The following DYNC1I1 variants were observed in gnomAD, a reference collection of about 807,000 sequenced individuals.
DYNC1I1 encodes dynein cytoplasmic 1 intermediate chain 1.
Under a neutral mutation model 86.6 loss-of-function variants are expected in DYNC1I1, and 43 were observed. The ratio of observed to expected loss-of-function variants is 0.50; its 90% CI spans 0.39 to 0.64. The LOEUF (loss-of-function observed/expected upper bound fraction) is 0.64. Among genes scored for constraint, DYNC1I1 ranks in the 30% least tolerant of loss-of-function variants. DYNC1I1 has a pLI of 0.00. For missense variants in DYNC1I1, 604 were observed against 788.8 expected (o/e 0.77, Z 2.81); for synonymous variants, 262 against 283.7 (o/e 0.92, Z 0.77).
At chr7:96,107,626 G>T (rs1019779283) in intron 16 of DYNC1I1, among the ~76,000 whole-genome samples, 1 of 151,604 alleles carries the variant, frequency 6.6e-6, no homozygotes, top group Non-Finnish European at 1.5e-5. Flanking sequence ...CCACCTCCTG[G>T]GTTCAAGGGA....
chr7:95,777,839 A>C (rs1391152460), intron 1 of DYNC1I1, among the ~76,000 whole-genome samples: 1 of 152,146 alleles, frequency 6.6e-6, no homozygotes, highest in Non-Finnish European at 1.5e-5. Flanking sequence ...GTGCTCTTCC[A>C]ACATTTTTTT....
chr7:96,051,791 C>T (rs1789411084), intron 14 of DYNC1I1, among the ~76,000 whole-genome samples: 1 of 151,946 alleles, frequency 6.6e-6, no homozygotes, highest in Non-Finnish European at 1.5e-5. Flanking sequence ...GATTGTTTTC[C>T]CTGTTAGCTA....
chr7:95,803,711 A>G, intron 1 of DYNC1I1, among the ~76,000 whole-genome samples: 1 of 152,192 alleles, frequency 6.6e-6, no homozygotes. Flanking sequence ...TACAAATAGT[A>G]TGTGAATGAA....
chr7:96,005,310 G>A (rs1418179331), intron 10 of DYNC1I1, among the ~76,000 whole-genome samples: 1 of 152,156 alleles, frequency 6.6e-6, no homozygotes, highest in Non-Finnish European at 1.5e-5. Flanking sequence ...TAGCAGATAA[G>A]CAGCTTACAC....
chr7:96,097,780 T>C lies in DYNC1I1; in HGVS notation c.*187T>C. The C allele has an allele frequency of 7.6e-7, 1 of 1,313,010 alleles. No individual in the cohort carries two copies. The highest frequency in any genetic ancestry group is 9.7e-7 in the Non-Finnish European group (1 of 1,028,110). 81.3% of individuals were successfully genotyped at this position (1,313,010 alleles called of 1,614,324 possible). A position where few individuals can be genotyped will look rare whatever the true frequency, so the allele number is the denominator to read the frequency against. On this transcript the variant is annotated 3_prime_UTR_variant, in exon 17 of 17. Transcript: ENST00000447467. Reference sequence around the variant, plus strand: ...CATCATGCTTTCCACTGACCCAAAATTCACCACAGCATTTCTATCTTTATA... The same window carrying C: ...CATCATGCTTTCCACTGACCCAAAACTCACCACAGCATTTCTATCTTTATA...
chr7:95,891,668 G>A (rs1185071839), intron 6 of DYNC1I1, among the ~76,000 whole-genome samples: 1 of 152,178 alleles, frequency 6.6e-6, no homozygotes, highest in Non-Finnish European at 1.5e-5. Context: ...TTTATGAATA[G>A]TATACCAAAT....
intron 6 of DYNC1I1, among the ~76,000 whole-genome samples, chr7:95,889,732 T>C (rs1195110176): frequency 1.3e-5 from 2 of 151,936 alleles, no homozygotes; most frequent in African/African-American, 4.8e-5. Flanking sequence ...ATAAAAAAAC[T>C]TTAACAAATT....
intron 10 of DYNC1I1, among the ~76,000 whole-genome samples, chr7:96,017,996 A>G (rs542063927): frequency 2.6e-5 from 4 of 152,122 alleles, no homozygotes; most frequent in Non-Finnish European, 5.9e-5. Context: ...AGTAAATATC[A>G]CCACAATTGG....
At position 95,831,699 on chromosome 7, in the gene DYNC1I1, G is replaced by C. The variant is rs12670607; in HGVS notation, c.374+3583G>C. Among the ~76,000 whole-genome samples the C allele has an allele frequency of 6.4e-3, 971 of 152,084 alleles. 20 individuals are homozygous for C. Among genetic ancestry groups the C allele is most frequent in the East Asian group, 0.03 (154 of 5,176 alleles). ...TTTTATTTTTAATAATAGTGATCCTGATTGCATCTCATTATAGTTTTGATT... is the reference window on the plus strand; with the variant it reads ...TTTTATTTTTAATAATAGTGATCCTCATTGCATCTCATTATAGTTTTGATT... On this transcript the variant is annotated intron_variant, in intron 5 of 16. Transcript: ENST00000447467.
intron 6 of DYNC1I1, 94 bp from the exon 7 acceptor site, chr7:95,977,418 G>A: frequency 8.0e-6 from 9 of 1,121,268 alleles, no homozygotes; most frequent in Admixed American, 2.7e-5. Flanking sequence ...CTAAATGATT[G>A]GAACTTTACC....
chr7:96,005,735 A>G (rs530788892), intron 10 of DYNC1I1, among the ~76,000 whole-genome samples: 2 of 152,346 alleles, frequency 1.3e-5, no homozygotes, highest in African/African-American at 4.8e-5. Flanking sequence ...TTGCCACTGG[A>G]AGAACGCTCA....
At chr7:96,002,861 T>C (rs2115800751) in intron 10 of DYNC1I1, among the ~76,000 whole-genome samples, 2 of 152,028 alleles carry the variant, frequency 1.3e-5, no homozygotes, top group African/African-American at 2.4e-5. Flanking sequence ...TTGTTTGTTT[T>C]TGAGACAGAA....
chr7:95,803,060 G>C (rs746784128), intron 1 of DYNC1I1, among the ~76,000 whole-genome samples: 1 of 152,192 alleles, frequency 6.6e-6, no homozygotes, highest in East Asian at 1.9e-4. Context: ...CAAAGTTGTA[G>C]TAGGTCAGAG....
At chr7:96,016,775 A>G (rs1316358615) in intron 10 of DYNC1I1, among the ~76,000 whole-genome samples, 1 of 152,176 alleles carries the variant, frequency 6.6e-6, no homozygotes. Flanking sequence ...AGGAAGTACC[A>G]TATTTTTGAA....
intron 6 of DYNC1I1, among the ~76,000 whole-genome samples, chr7:95,871,763 AG>A (rs1279504888): frequency 6.6e-6 from 1 of 152,134 alleles, no homozygotes; most frequent in Non-Finnish European, 1.5e-5. Context: ...CTGCAAGGAG[AG>A]CTTGGGAGCC....
In DYNC1I1 at chr7:95,874,705, T is replaced by C. The variant is rs184594550; in HGVS notation, c.490+4707T>C. Among the ~76,000 whole-genome samples the C allele has an allele frequency of 1.7e-3, 253 of 152,258 alleles. 2 individuals carry two copies. Among genetic ancestry groups the C allele is most frequent in the African/African-American group, 5.8e-3 (239 of 41,556 alleles). On this transcript the variant is annotated intron_variant, in intron 6 of 16. Transcript: ENST00000447467. ...GTGTGTGTTCACCGAGGAAAGGCCA[T>C]GTGAGGACACAGCAAGAAGGCAGCT...
chr7:95,996,292 T>C (rs1385725322), intron 10 of DYNC1I1, among the ~76,000 whole-genome samples: 1 of 152,322 alleles, frequency 6.6e-6, no homozygotes, highest in East Asian at 1.9e-4. Context: ...TGTCATTTTC[T>C]TTCTATTTAA....
At chr7:95,894,251 T>C (rs1210258999) in intron 6 of DYNC1I1, among the ~76,000 whole-genome samples, 5 of 151,974 alleles carry the variant, frequency 3.3e-5, no homozygotes, top group African/African-American at 1.2e-4. Flanking sequence ...GGCTGGAAAG[T>C]CCAAGATCAA....
chr7:95,945,220 A>G (rs1792366399), intron 6 of DYNC1I1, among the ~76,000 whole-genome samples: 1 of 151,994 alleles, frequency 6.6e-6, no homozygotes, highest in Non-Finnish European at 1.5e-5. Context: ...AGAGGGGGGA[A>G]AAAAGAAGTA....
Sources: allele counts gnomAD v4.1 joint callset (sites outside exome capture counted in the v4.1 genomes callset), GRCh38; gene constraint gnomAD v4.1.1; transcripts MANE v1.5; gene names NCBI Gene and HGNC (gene_info 2026-07-23, HGNC 2026-07-21).